Variants in PROM1 observed in about 807,000 individuals in gnomAD.
PROM1 encodes prominin 1.
Under a neutral mutation model 116.9 loss-of-function variants are expected in PROM1, and 105 were observed. The ratio of observed to expected loss-of-function variants is 0.90; its 90% CI spans 0.77 to 1.06. The LOEUF is 1.06. Among genes scored for constraint, PROM1 ranks in the 50% least tolerant of loss-of-function variants. The probability of loss-of-function intolerance (pLI) is 0.00; values close to 1 mark genes in which losing one functional copy is unlikely to be tolerated. For missense variants in PROM1, 1,122 were observed against 1,045.2 expected, an observed-to-expected ratio of 1.07 and a Z score of -1.01; for synonymous variants, 393 against 387.0, an observed-to-expected ratio of 1.02 and a Z score of -0.18.
chr4:16,063,072 T>A (rs1426237883), intron 2 of PROM1, among the ~76,000 whole-genome samples: 1 of 152,174 alleles, frequency 6.6e-6, no homozygotes, highest in South Asian at 2.1e-4. Context: ...GATGTAAATG[T>A]AGGACACTAT....
intron 19 of PROM1, among the ~76,000 whole-genome samples, chr4:15,988,213 C>G (rs1280264522): frequency 6.6e-6 from 1 of 152,050 alleles, no homozygotes; most frequent in African/African-American, 2.4e-5. Context: ...TGTAAGAAAA[C>G]CTGAAGAAAA....
At chr4:15,992,938 T>C (rs970763484) in intron 16 of PROM1, among the ~76,000 whole-genome samples, 4 of 152,168 alleles carry the variant, frequency 2.6e-5, no homozygotes, top group Admixed American at 2.0e-4. Flanking sequence ...GTTGTATTGA[T>C]AGTCAGCAGT....
intron 1 of PROM1, 39 bp from the exon 2 acceptor site, chr4:16,076,157 T>G (rs1262730097): frequency 1.3e-5 from 8 of 637,502 alleles, no homozygotes; most frequent in African/African-American, 1.8e-5. Flanking sequence ...CATCAATGCG[T>G]GTAAACTGCC....
chr4:15,992,430 C>A (rs1271829978), intron 16 of PROM1, 39 bp from the exon 17 acceptor site: 1 of 1,597,414 alleles, frequency 6.3e-7, no homozygotes. Context: ...CCCTTATTCT[C>A]CAAGAATGTC....
Position 15,998,366 on chromosome 4 carries a change from A to G in PROM1, c.1682+19T>C, listed in dbSNP as rs1443559501. 11 of 1,569,196 alleles carry G rather than the reference A, an allele frequency of 7.0e-6. No homozygotes were observed. Among genetic ancestry groups the G allele is most frequent in the African/African-American group, 1.4e-5 (1 of 72,988 alleles). ...AAGAACATCTTAAATAGCGAAATGT[A>G]TAATGCAAATATTGATACCTGTAAA... On this transcript the variant is annotated intron_variant, in intron 15 of 27. Coordinates refer to ENST00000447510, the MANE Select transcript of PROM1 (RefSeq NM_006017.3).
Position 15,984,419 on chromosome 4 carries a change from G to A in PROM1, c.2281-64C>T, listed in dbSNP as rs7675574. 0.99 allele frequency: 1,200,579 copies of A among 1,207,568 alleles called. 596,977 individuals are homozygous for A. Among genetic ancestry groups the A allele is most frequent in the East Asian group, 1 (38,854 of 38,856 alleles). 74.8% of individuals were successfully genotyped at this position (1,207,568 alleles called of 1,614,324 possible). On this transcript the variant is annotated intron_variant, in intron 22 of 27. Coordinates refer to ENST00000447510, the MANE Select transcript of PROM1 (RefSeq NM_006017.3). ...CCACAAAAACCCAAAGGAATGAGACGTGCCATTTACTTTTGACTTGGTGTC... is the reference window on the plus strand; with the variant it reads ...CCACAAAAACCCAAAGGAATGAGACATGCCATTTACTTTTGACTTGGTGTC...
chr4:16,007,909 C>A (rs1335725622), intron 12 of PROM1, among the ~76,000 whole-genome samples: 2 of 152,118 alleles, frequency 1.3e-5, no homozygotes, highest in East Asian at 3.9e-4. Context: ...AAAAGCAGAG[C>A]CAGATGGAGC....
chr4:16,053,736 C>T (rs548768123), intron 2 of PROM1, among the ~76,000 whole-genome samples: 76 of 152,246 alleles, frequency 5.0e-4, no homozygotes, highest in South Asian at 2.1e-3. Flanking sequence ...TTATCTGGGC[C>T]ACTGGCATAT....
chr4:15,998,803 C>G (rs1212499422), intron 14 of PROM1, among the ~76,000 whole-genome samples: 2 of 152,230 alleles, frequency 1.3e-5, no homozygotes, highest in East Asian at 3.9e-4. Context: ...GCAACCTCCC[C>G]CTTCCGGGTT....
rs147174580 is a variant in PROM1 at position 16,006,648 on chromosome 4, G to T, written c.1344C>A (p.Ile448=). Residue 448 remains isoleucine (I), a synonymous_variant, in exon 13 of 28, where the codon ATC becomes ATA. Transcript: ENST00000447510. ...GTAAGCCCAGGTAGTAAAAAATCAC[G>T]ATGAGGGTCAGCAGAGAGCAGATGA... ...GLVICSLLTL[I]VIFYYLGLLC... The T allele has an allele frequency of 8.1e-6, 13 of 1,612,774 alleles. No homozygotes were observed. The highest frequency in any genetic ancestry group is 1.1e-5 in the Non-Finnish European group (13 of 1,179,558).
chr4:15,996,924 T>C (rs1336457203), intron 15 of PROM1, among the ~76,000 whole-genome samples: 1 of 152,164 alleles, frequency 6.6e-6, no homozygotes, highest in Non-Finnish European at 1.5e-5. Context: ...TATCGCCCTG[T>C]TATTTTTAGT....
In PROM1 at chr4:16,023,399, T is replaced by C. The variant is rs1260699939; in HGVS notation, c.711A>G (p.Leu237=). 6.2e-7 allele frequency: 1 copy of C among 1,601,744 alleles called. No individual in the cohort carries two copies. The highest frequency in any genetic ancestry group is 8.5e-7 in the Non-Finnish European group (1 of 1,173,012). ...TCAGTCGGTCAAGAATTCCGCCTCC[T>C]AGCACTGAATTGATACCTACATGCA... ...FTDLNSINSV[L]GGGILDRLRP... The change falls in exon 8 of 28, where the codon CTA becomes CTG. Residue 237 remains leucine, a synonymous_variant. Transcript: ENST00000447510.
chr4:16,034,716 T>A (rs1733585968), intron 4 of PROM1, among the ~76,000 whole-genome samples: 1 of 151,842 alleles, frequency 6.6e-6, no homozygotes, highest in African/African-American at 2.4e-5. Flanking sequence ...AAATGGACAA[T>A]CTAGACAGCT....
At chr4:16,028,422 T>G (rs1731859361) in intron 5 of PROM1, among the ~76,000 whole-genome samples, 1 of 152,160 alleles carries the variant, frequency 6.6e-6, no homozygotes, top group Admixed American at 6.6e-5. Flanking sequence ...CTTCCCATTA[T>G]CCACAAAAAT....
chr4:15,985,822 T>C lies in PROM1; in HGVS notation c.2218A>G (p.Lys740Glu). The change falls in exon 22 of 28, where the codon AAG becomes GAG. Residue 740 changes from lysine to glutamate, a missense_variant. Coordinates refer to ENST00000447510, the MANE Select transcript of PROM1 (RefSeq NM_006017.3). ...NTSSVIIEET[K>E]KYGRTIIGYF... Reference sequence around the variant, plus strand: ...CCTATTATTGTTCTCCCATACTTCTTAGTTTCCTGGAAAGAAACAAAAGAT... The same window carrying C: ...CCTATTATTGTTCTCCCATACTTCTCAGTTTCCTGGAAAGAAACAAAAGAT... 1.8e-6 allele frequency: 2 copies of C among 1,096,414 alleles called. No individual in the cohort carries two copies. The highest frequency in any genetic ancestry group is 1.7e-5 in the South Asian group (1 of 57,928). 67.9% of individuals were successfully genotyped at this position (1,096,414 alleles called of 1,614,324 possible).
At chr4:16,055,339 A>C (rs1265408183) in intron 2 of PROM1, 1 of 455,182 alleles carries the variant, frequency 2.2e-6, no homozygotes, top group Non-Finnish European at 4.4e-6. Flanking sequence ...ATAACCTCCC[A>C]GGCAAAAATT....
At chr4:15,974,080 TAC>T (rs1428208447) in intron 26 of PROM1, among the ~76,000 whole-genome samples, 1 of 148,226 alleles carries the variant, frequency 6.7e-6, no homozygotes, top group African/African-American at 2.5e-5. Context: ...CACACACACA[TAC>T]AGACACACAC....
At chr4:16,065,317 T>C (rs558240820) in intron 2 of PROM1, among the ~76,000 whole-genome samples, 12 of 152,292 alleles carry the variant, frequency 7.9e-5, no homozygotes, top group African/African-American at 2.4e-4. Flanking sequence ...TCAACTTGCA[T>C]CATTCAGGCC....
intron 2 of PROM1, among the ~76,000 whole-genome samples, chr4:16,041,993 T>C (rs1212321534): frequency 6.6e-6 from 1 of 152,004 alleles, no homozygotes; most frequent in Non-Finnish European, 1.5e-5. Context: ...ATTTGCTTTT[T>C]TGTAGAGATG....
Sources: gnomAD v4.1 joint callset for allele counts (sites outside exome capture counted in the v4.1 genomes callset) on GRCh38, gnomAD v4.1.1 for gene constraint, MANE v1.5 for transcripts, NCBI Gene and HGNC (gene_info 2026-07-23, HGNC 2026-07-21) for gene names.